Variants in ZNRF2 observed in about 807,000 individuals in gnomAD.
The protein encoded by ZNRF2 is E3 ubiquitin-protein ligase ZNRF2.
In ZNRF2, 16 loss-of-function variants were observed where a neutral mutation model predicts 20.4. That is an observed-to-expected ratio of 0.79 (90% confidence interval 0.53 to 1.19). The LOEUF (loss-of-function observed/expected upper bound fraction) is 1.19. Ranked by LOEUF, ZNRF2 falls within the 50% of genes most tolerant of loss-of-function variation. The pLI, the probability that ZNRF2 is intolerant of heterozygous loss-of-function variation, is 0.00. For missense variants in ZNRF2, 363 were observed against 332.4 expected (o/e 1.09, Z -0.72); for synonymous variants, 178 against 144.9 (o/e 1.23, Z -1.64).
intron 1 of ZNRF2, among the ~76,000 whole-genome samples, chr7:30,314,835 T>G (rs77382503): frequency 6.6e-6 from 1 of 151,552 alleles, no homozygotes; most frequent in South Asian, 2.1e-4. Flanking sequence ...TTTTTTTTTT[T>G]GGAGACAGTC....
chr7:30,316,746 GA>G (rs1407984803), intron 1 of ZNRF2, among the ~76,000 whole-genome samples: 2 of 152,056 alleles, frequency 1.3e-5, no homozygotes, highest in Non-Finnish European at 2.9e-5. Flanking sequence ...TTACCTATTA[GA>G]AAACCGTGAT....
chr7:30,361,131 T>C (rs1292430998), intron 3 of ZNRF2, among the ~76,000 whole-genome samples: 1 of 152,138 alleles, frequency 6.6e-6, no homozygotes, highest in Admixed American at 6.5e-5. Flanking sequence ...TTCAGATATA[T>C]TATGAATTAA....
Position 30,351,792 on chromosome 7 carries a change from C to T in ZNRF2, c.566-3936C>T, listed in dbSNP as rs73687810. Among the ~76,000 whole-genome samples, 1,495 of 152,034 alleles carry T rather than the reference C, an allele frequency of 9.8e-3. 20 individuals carry two copies. Among genetic ancestry groups the T allele is most frequent in the African/African-American group, 0.033 (1,371 of 41,498 alleles). On this transcript the variant is annotated intron_variant, in intron 2 of 4. Transcript: ENST00000323037. Reference sequence around the variant, plus strand: ...GGATTAACATGTGACTTAAATATGTCAAAAGCACATTAAAAAGTACACGTT... The same window carrying T: ...GGATTAACATGTGACTTAAATATGTTAAAAGCACATTAAAAAGTACACGTT...
intron 2 of ZNRF2, among the ~76,000 whole-genome samples, chr7:30,334,781 T>C (rs1436791482): frequency 6.6e-6 from 1 of 152,174 alleles, no homozygotes; most frequent in African/African-American, 2.4e-5. Flanking sequence ...TACAGTTTAA[T>C]GGAAAAATAT....
At chr7:30,318,433 A>G (rs760657101) in intron 1 of ZNRF2, among the ~76,000 whole-genome samples, 1 of 152,218 alleles carries the variant, frequency 6.6e-6, no homozygotes, top group Non-Finnish European at 1.5e-5. Context: ...CAGTTGTAGA[A>G]TAATGATTTG....
chr7:30,352,134 T>G (rs1799969716), intron 2 of ZNRF2, among the ~76,000 whole-genome samples: 2 of 152,042 alleles, frequency 1.3e-5, no homozygotes. Flanking sequence ...ATCTCTAATA[T>G]TTTGAGTACT....
intron 1 of ZNRF2, among the ~76,000 whole-genome samples, chr7:30,306,205 A>G (rs957611326): frequency 2.0e-5 from 3 of 152,206 alleles, no homozygotes; most frequent in Admixed American, 2.0e-4. Flanking sequence ...CCTATCTGCA[A>G]GTTGCCTTAA....
At chr7:30,299,932 A>G (rs1435560855) in intron 1 of ZNRF2, among the ~76,000 whole-genome samples, 2 of 151,824 alleles carry the variant, frequency 1.3e-5, no homozygotes, top group Non-Finnish European at 2.9e-5. Flanking sequence ...GGCGCCCGCC[A>G]CCACACCCGG....
At chr7:30,306,544 A>G (rs1799208733) in intron 1 of ZNRF2, among the ~76,000 whole-genome samples, 1 of 152,176 alleles carries the variant, frequency 6.6e-6, no homozygotes, top group South Asian at 2.1e-4. Context: ...CAACCATACC[A>G]GCAAATGATA....
chr7:30,293,296 T>C (rs1798945354), intron 1 of ZNRF2, among the ~76,000 whole-genome samples: 1 of 150,796 alleles, frequency 6.6e-6, no homozygotes, highest in East Asian at 2.0e-4. Flanking sequence ...TCACCCAGGC[T>C]ACAGTGCAGT....
intron 2 of ZNRF2, among the ~76,000 whole-genome samples, chr7:30,351,594 G>GA (rs1001682513): frequency 1.3e-5 from 2 of 152,004 alleles, no homozygotes; most frequent in African/African-American, 4.8e-5. Context: ...GCTTTAAAGT[G>GA]AAATTGTTTC....
At chr7:30,343,140 G>A (rs756566983) in intron 2 of ZNRF2, among the ~76,000 whole-genome samples, 6 of 151,956 alleles carry the variant, frequency 3.9e-5, no homozygotes, top group African/African-American at 9.7e-5. Flanking sequence ...TAGTGAGACC[G>A]TATCTCTATT....
intron 1 of ZNRF2, chr7:30,289,666 C>A: frequency 2.3e-6 from 1 of 428,606 alleles, no homozygotes; most frequent in Non-Finnish European, 4.8e-6. Context: ...TAAGTGTGGC[C>A]TGTGTCATGG....
At chr7:30,293,751 C>T (rs1015540975) in intron 1 of ZNRF2, among the ~76,000 whole-genome samples, 3 of 152,128 alleles carry the variant, frequency 2.0e-5, no homozygotes, top group Non-Finnish European at 4.4e-5. Flanking sequence ...GGATATATTT[C>T]GAGTAATGTC....
intron 2 of ZNRF2, among the ~76,000 whole-genome samples, chr7:30,339,114 G>C (rs1276761078): frequency 6.6e-6 from 1 of 151,906 alleles, no homozygotes; most frequent in Non-Finnish European, 1.5e-5. Flanking sequence ...CTTTTTGATG[G>C]GGTTGCTTGT....
intron 1 of ZNRF2, among the ~76,000 whole-genome samples, chr7:30,301,719 A>C (rs558909867): frequency 1.3e-5 from 2 of 151,206 alleles, no homozygotes; most frequent in Non-Finnish European, 3.0e-5. Context: ...AAAAAAAAAA[A>C]AAAACTTATC....
chr7:30,351,074 C>T (rs2160014), intron 2 of ZNRF2, among the ~76,000 whole-genome samples: 153 of 147,228 alleles, frequency 1.0e-3, no homozygotes, highest in Admixed American at 7.4e-3. Flanking sequence ...TCTGCAATAA[C>T]TATATGGATA....
chr7:30,305,238 C>A (rs958297448), intron 1 of ZNRF2, among the ~76,000 whole-genome samples: 2 of 152,114 alleles, frequency 1.3e-5, no homozygotes, highest in Non-Finnish European at 2.9e-5. Context: ...TAAATATCTA[C>A]CCGAATACCA....
chr7:30,285,975 T>G (rs774311686), intron 1 of ZNRF2, 149 bp downstream of exon 1: 1 of 1,315,846 alleles, frequency 7.6e-7, no homozygotes, highest in African/African-American at 1.6e-5. Flanking sequence ...GTCTCCATCC[T>G]GGAAGAAACC....
Sources: allele counts gnomAD v4.1 joint callset (sites outside exome capture counted in the v4.1 genomes callset), GRCh38; gene constraint gnomAD v4.1.1; transcripts MANE v1.5; gene names NCBI Gene and HGNC (gene_info 2026-07-23, HGNC 2026-07-21).